The following CDK7 variants were observed in gnomAD, a reference collection of about 807,000 sequenced individuals.
CDK7 encodes the protein cyclin dependent kinase 7.
In CDK7, 25 loss-of-function variants were observed where a neutral mutation model predicts 49.1. That is an observed-to-expected ratio of 0.51 (90% confidence interval 0.37 to 0.71). The LOEUF (loss-of-function observed/expected upper bound fraction) is 0.71. Among genes scored for constraint, CDK7 ranks in the 30% least tolerant of loss-of-function variants. The pLI, the probability that CDK7 is intolerant of heterozygous loss-of-function variation, is 0.00. For synonymous variants in CDK7, 107 were observed against 140.0 expected (o/e 0.76, Z 1.67); for missense variants, 316 against 411.7 (o/e 0.77, Z 2.01).
rs1301058142 is a variant in CDK7, at chr5:69,276,755, C to T, written c.1012+65C>T. 53 of 1,354,476 alleles carry T rather than the reference C, an allele frequency of 3.9e-5. No homozygotes were observed. The South Asian group carries it at 5.0e-4, about 13-fold the overall frequency. 83.9% of individuals were successfully genotyped at this position (1,354,476 alleles called of 1,614,324 possible). On this transcript the variant is annotated intron_variant, in intron 11 of 11. Coordinates refer to ENST00000256443, the MANE Select transcript of CDK7 (RefSeq NM_001799.4). ...AAAACTCCAAATAGCTCGTGTATGG[C>T]TAGCGACTGAACAACAGCAAAGAAA... is the stretch of plus-strand genomic sequence containing the variant.
At chr5:69,242,437 C>T (rs1489075152) in intron 2 of CDK7, among the ~76,000 whole-genome samples, 1 of 152,118 alleles carries the variant, frequency 6.6e-6, no homozygotes, top group African/African-American at 2.4e-5. Context: ...CCAAGTGGCA[C>T]CAGTTGGTCC....
intron 2 of CDK7, among the ~76,000 whole-genome samples, chr5:69,246,917 CTT>C (rs781530354): frequency 2.6e-5 from 4 of 152,050 alleles, no homozygotes; most frequent in Non-Finnish European, 5.9e-5. Flanking sequence ...CAAAATTCCT[CTT>C]GTTATTGATT....
Position 69,259,873 on chromosome 5 carries a change from AT to A in CDK7, c.468del (p.Phe156LeufsTer19). On this transcript the variant is annotated frameshift_variant, in exon 7 of 12. Coordinates refer to ENST00000256443, the MANE Select transcript of CDK7 (RefSeq NM_001799.4). LOFTEE classifies it high-confidence loss of function. The part of the protein sequence containing the change: ...LDENGVLKLA[D>X]FGLAKSFGSP... ...GAAAATGGAGTTCTAAAACTGGCAG[AT>A]TTTGGCCTGGCCAAATCTTTTGGGA... 1 of 1,614,154 alleles carries A rather than the reference AT, an allele frequency of 6.2e-7. No homozygotes were observed. The highest frequency in any genetic ancestry group is 8.5e-7 in the Non-Finnish European group (1 of 1,180,008).
intron 2 of CDK7, among the ~76,000 whole-genome samples, chr5:69,247,689 G>A (rs1749848760): frequency 6.6e-6 from 1 of 151,416 alleles, no homozygotes; most frequent in African/African-American, 2.4e-5. Context: ...TTGTAGTAAA[G>A]GTGATTTTCT....
chr5:69,272,958 T>G lies in CDK7; in HGVS notation c.781T>G (p.Phe261Val). 1.3e-6 allele frequency: 2 copies of G among 1,599,006 alleles called. No homozygotes were observed. Among genetic ancestry groups the G allele is most frequent in the African/African-American group, 2.7e-5 (2 of 72,810 alleles). ...SFPGIPLHHIFSAAGDDLLDL... is the reference protein window; with the variant it reads ...SFPGIPLHHIVSAAGDDLLDL... ...CCCTGGAATACCTTTGCATCACATC[T>G]TCAGTGCAGCAGGAGACGACTTACT... Residue 261 changes from phenylalanine to valine, a missense_variant, in exon 10 of 12, where the codon TTC becomes GTC. Physicochemically the swap from Phe to Val is conservative, Grantham distance 50 (BLOSUM62 -1). Transcript: ENST00000256443.
At chr5:69,266,482 G>A (rs919877750) in intron 8 of CDK7, among the ~76,000 whole-genome samples, 2 of 152,100 alleles carry the variant, frequency 1.3e-5, no homozygotes, top group South Asian at 2.1e-4. Flanking sequence ...CCAGCTACTC[G>A]GGAAGGTGAG....
intron 2 of CDK7, among the ~76,000 whole-genome samples, chr5:69,242,136 T>C (rs1441565524): frequency 6.6e-6 from 1 of 152,246 alleles, no homozygotes; most frequent in Non-Finnish European, 1.5e-5. Context: ...TATCCAATTT[T>C]CCCAGCACCA....
intron 5 of CDK7, among the ~76,000 whole-genome samples, chr5:69,256,880 A>G (rs1365847824): frequency 2.6e-5 from 4 of 152,182 alleles, no homozygotes; most frequent in African/African-American, 9.7e-5. Flanking sequence ...AAAAGAAACA[A>G]AAACGTATGC....
intron 8 of CDK7, among the ~76,000 whole-genome samples, chr5:69,265,519 G>A (rs1751095363): frequency 6.6e-6 from 1 of 152,238 alleles, no homozygotes. Flanking sequence ...ATCTGGAAGT[G>A]TTCACATTGT....
intron 2 of CDK7, among the ~76,000 whole-genome samples, chr5:69,242,704 G>A (rs752010520): frequency 6.6e-6 from 1 of 152,096 alleles, no homozygotes; most frequent in Non-Finnish European, 1.5e-5. Flanking sequence ...TTCTCCCATA[G>A]TTAGCATTGC....
chr5:69,237,458 G>A (rs1178753021), intron 2 of CDK7, among the ~76,000 whole-genome samples: 1 of 152,068 alleles, frequency 6.6e-6, no homozygotes, highest in Non-Finnish European at 1.5e-5. Flanking sequence ...TCACTCAAAT[G>A]TCTCCTCCAT....
At chr5:69,262,168 T>C (rs762271962) in intron 7 of CDK7, 37 bp from the exon 8 acceptor site, 46 of 1,612,206 alleles carry the variant, frequency 2.9e-5, no homozygotes, top group Non-Finnish European at 3.7e-5. Context: ...TTTGATAATT[T>C]CATGCTAAAA....
At chr5:69,238,544 C>T (rs1749157889) in intron 2 of CDK7, among the ~76,000 whole-genome samples, 1 of 152,046 alleles carries the variant, frequency 6.6e-6, no homozygotes, top group Non-Finnish European at 1.5e-5. Flanking sequence ...ACCTTAGCCT[C>T]CCAAAGTGCT....
At chr5:69,262,935 T>C (rs1176775140) in intron 8 of CDK7, among the ~76,000 whole-genome samples, 1 of 152,022 alleles carries the variant, frequency 6.6e-6, no homozygotes, top group African/African-American at 2.4e-5. Flanking sequence ...CTCCTGAGGG[T>C]TTTTTTGTTT....
At position 69,269,170 on chromosome 5, in the gene CDK7, A is replaced by C. The variant is rs763973328; in HGVS notation, c.628-37A>C. 164 of 1,292,830 alleles carry C rather than the reference A, an allele frequency of 1.3e-4. 1 individual carries two copies. Among genetic ancestry groups the C allele is most frequent in the Non-Finnish European group, 1.5e-4 (138 of 923,056 alleles). 80.1% of individuals were successfully genotyped at this position (1,292,830 alleles called of 1,614,324 possible). On this transcript the variant is annotated intron_variant, in intron 8 of 11. Coordinates refer to ENST00000256443, the MANE Select transcript of CDK7 (RefSeq NM_001799.4). The stretch of plus-strand genomic sequence containing the variant: ...AAAAGAAAAAAATTAAAAAAAAAAA[A>C]CCCACCTTGAAAAGTCTCCCTCTTA...
rs1752252972 is a variant in CDK7 at position 69,277,359 on chromosome 5, T to C, written c.*224T>C. ...CAAAAGTGAGAAAAGTTCAATACTC[T>C]TGAAATGTAGAATTGAAAATGCATT... On this transcript the variant is annotated 3_prime_UTR_variant, in exon 12 of 12. Transcript: ENST00000256443. 2.5e-6 allele frequency: 1 copy of C among 398,846 alleles called. No homozygotes were observed. The highest frequency in any genetic ancestry group is 4.5e-6 in the Non-Finnish European group (1 of 220,790). The allele number at this position is 398,846 out of a possible 1,614,324, so 24.7% of individuals were successfully genotyped here. A position where few individuals can be genotyped will look rare whatever the true frequency, so the allele number is the denominator to read the frequency against.
At chr5:69,248,584 C>A (rs189823388) in intron 2 of CDK7, among the ~76,000 whole-genome samples, 1 of 152,096 alleles carries the variant, frequency 6.6e-6, no homozygotes, top group African/African-American at 2.4e-5. Flanking sequence ...GACGGGGTTT[C>A]TCCATGTTGG....
At position 69,274,427 on chromosome 5, in the gene CDK7, G is replaced by T. The variant is rs1751897077; in HGVS notation, c.864+1386G>T. 3.9e-5 allele frequency among the ~76,000 whole-genome samples: 6 copies of T among 152,130 alleles called. No individual in the cohort carries two copies. The South Asian group carries it at 1.2e-3, about 32-fold the overall frequency. ...AGGAGCAAGGATAGCTTGAGCCCAG[G>T]AGTTGGAGCCCAGCCTGGGCAACAT... On this transcript the variant is annotated intron_variant, in intron 10 of 11. Coordinates refer to ENST00000256443, the MANE Select transcript of CDK7 (RefSeq NM_001799.4).
intron 9 of CDK7, among the ~76,000 whole-genome samples, chr5:69,270,631 C>G (rs535606552): frequency 6.6e-6 from 1 of 152,206 alleles, no homozygotes; most frequent in Non-Finnish European, 1.5e-5. Context: ...CTTCTACCTA[C>G]TCCTTAACTC....
Sources: gnomAD v4.1 joint callset for allele counts (sites outside exome capture counted in the v4.1 genomes callset) on GRCh38, gnomAD v4.1.1 for gene constraint, MANE v1.5 for transcripts, NCBI Gene and HGNC (gene_info 2026-07-23, HGNC 2026-07-21) for gene names.